The following GABRB1 variants were observed in gnomAD, a reference collection of about 807,000 sequenced individuals.
GABRB1 encodes the protein gamma-aminobutyric acid receptor subunit beta-1.
GABRB1 carries 17 observed loss-of-function variants against 51.6 expected under a neutral mutation model. The ratio of observed to expected loss-of-function variants is 0.33; its 90% CI spans 0.23 to 0.49. The LOEUF (loss-of-function observed/expected upper bound fraction) is 0.49, where lower values mean the gene tolerates loss of function less well. Ranked by LOEUF, GABRB1 falls within the 20% of genes least tolerant of loss-of-function variation. The pLI is 0.99. For synonymous variants in GABRB1, 247 were observed against 218.9 expected (o/e 1.13, Z -1.14); for missense variants, 410 against 600.6 (o/e 0.68, Z 3.32).
intron 7 of GABRB1, among the ~76,000 whole-genome samples, chr4:47,405,696 A>G (rs1163142602): frequency 1.3e-5 from 2 of 152,166 alleles, no homozygotes; most frequent in Non-Finnish European, 2.9e-5. Context: ...AAGATAATTT[A>G]TAACTGTAAG....
chr4:47,352,385 A>G (rs12152668), intron 5 of GABRB1, among the ~76,000 whole-genome samples: 8,709 of 152,266 alleles, frequency 0.057, 316 homozygotes, highest in Admixed American at 0.1. Context: ...CAATCAATAG[A>G]AAAAGAGAGA....
chr4:47,163,322 T>C (rs753926281), intron 4 of GABRB1, among the ~76,000 whole-genome samples: 1 of 152,048 alleles, frequency 6.6e-6, no homozygotes, highest in Non-Finnish European at 1.5e-5. Context: ...CCTTATTAGG[T>C]ACTGGGCAAA....
At chr4:47,146,014 G>A (rs759081348) in intron 3 of GABRB1, among the ~76,000 whole-genome samples, 1 of 152,012 alleles carries the variant, frequency 6.6e-6, no homozygotes, top group African/African-American at 2.4e-5. Flanking sequence ...CTTCAGGATA[G>A]GGAAATGGGC....
chr4:47,058,712 G>C (rs1049278151), intron 3 of GABRB1, among the ~76,000 whole-genome samples: 1 of 152,162 alleles, frequency 6.6e-6, no homozygotes, highest in Non-Finnish European at 1.5e-5. Flanking sequence ...ACATATTGCA[G>C]TTCCCAGTAA....
intron 5 of GABRB1, among the ~76,000 whole-genome samples, chr4:47,347,676 A>G (rs991370931): frequency 6.6e-5 from 10 of 152,208 alleles, no homozygotes; most frequent in Non-Finnish European, 1.2e-4. Context: ...TTGCAAATAT[A>G]TATATTTTTA....
chr4:47,036,269 T>C (rs1323730908), intron 3 of GABRB1, among the ~76,000 whole-genome samples: 3 of 152,234 alleles, frequency 2.0e-5, no homozygotes, highest in Non-Finnish European at 1.5e-5. Context: ...GTTATTTTAA[T>C]ATTAGACTCT....
intron 4 of GABRB1, among the ~76,000 whole-genome samples, chr4:47,213,160 T>C (rs577453445): frequency 6.6e-6 from 1 of 152,300 alleles, no homozygotes; most frequent in South Asian, 2.1e-4. Flanking sequence ...ATCTTACATT[T>C]TCCTGCATAG....
chr4:47,067,239 A>G (rs933044785), intron 3 of GABRB1, among the ~76,000 whole-genome samples: 2 of 152,230 alleles, frequency 1.3e-5, no homozygotes, highest in African/African-American at 4.8e-5. Context: ...TATAGAGCAC[A>G]GGAAGAGTAG....
chr4:47,399,913 C>T lies in GABRB1; in HGVS notation c.545-3405C>T, dbSNP rs139387554. ...ACACCCTTGGAGTTTAGGAATGATA[C>T]TGGCATGACCTGGTATATTCAGCTT... is the stretch of plus-strand genomic sequence containing the variant. On this transcript the variant is annotated intron_variant, in intron 5 of 8. Transcript: ENST00000295454. Among the ~76,000 whole-genome samples the T allele has an allele frequency of 4.9e-3, 751 of 152,282 alleles. 7 individuals are homozygous for T. The highest frequency in any genetic ancestry group is 0.017 in the African/African-American group (688 of 41,560).
At chr4:47,158,605 A>G (rs886322961) in intron 3 of GABRB1, among the ~76,000 whole-genome samples, 1 of 152,134 alleles carries the variant, frequency 6.6e-6, no homozygotes, top group Non-Finnish European at 1.5e-5. Flanking sequence ...CATGTATTCC[A>G]TTGTTGACAA....
intron 4 of GABRB1, among the ~76,000 whole-genome samples, chr4:47,297,299 A>C (rs1367409027): frequency 8.8e-6 from 1 of 113,190 alleles, no homozygotes; most frequent in Non-Finnish European, 1.8e-5. Context: ...AAAACCCTTC[A>C]AAAAATTAAT....
intron 3 of GABRB1, among the ~76,000 whole-genome samples, chr4:47,155,314 C>T (rs750343371): frequency 5.9e-5 from 9 of 151,946 alleles, no homozygotes; most frequent in South Asian, 2.1e-4. Context: ...GAATATTTTA[C>T]GGGGAACAGA....
intron 3 of GABRB1, among the ~76,000 whole-genome samples, chr4:47,081,510 T>C (rs1727841385): frequency 6.6e-6 from 1 of 152,196 alleles, no homozygotes; most frequent in African/African-American, 2.4e-5. Flanking sequence ...TTTTGTGCAA[T>C]ATATCCTTTC....
chr4:47,150,349 TAC>T (rs764596416), intron 3 of GABRB1, among the ~76,000 whole-genome samples: 25 of 112,724 alleles, frequency 2.2e-4, no homozygotes, highest in South Asian at 1.0e-3. Context: ...CACACGCACA[TAC>T]ACACACACAC....
chr4:47,399,037 A>G (rs377007587), intron 5 of GABRB1, among the ~76,000 whole-genome samples: 3 of 152,230 alleles, frequency 2.0e-5, no homozygotes, highest in African/African-American at 4.8e-5. Context: ...TGATCCGCCC[A>G]CCTTGGCCTC....
At chr4:47,299,327 C>T (rs867018285) in intron 4 of GABRB1, among the ~76,000 whole-genome samples, 241 of 152,124 alleles carry the variant, frequency 1.6e-3, no homozygotes, top group African/African-American at 5.0e-3. Context: ...AGAAAATTTT[C>T]GCAACCTACT....
chr4:47,141,475 T>C (rs1226472055), intron 3 of GABRB1, among the ~76,000 whole-genome samples: 1 of 152,004 alleles, frequency 6.6e-6, no homozygotes. Context: ...GTGGGATCAT[T>C]CACATTTTGT....
chr4:47,144,818 GA>G (rs35716577), intron 3 of GABRB1, among the ~76,000 whole-genome samples: 40,786 of 146,550 alleles, frequency 0.28, 6,353 homozygotes, highest in Middle Eastern at 0.43. Flanking sequence ...CATATACACA[GA>G]AAAAAAAAAA....
chr4:47,267,100 CAGTG>C (rs1722667716), intron 4 of GABRB1, among the ~76,000 whole-genome samples: 1 of 151,956 alleles, frequency 6.6e-6, no homozygotes, highest in Non-Finnish European at 1.5e-5. Flanking sequence ...AAACAGCAAA[CAGTG>C]AGTGTTAGCA....
Sources: allele counts gnomAD v4.1 joint callset (sites outside exome capture counted in the v4.1 genomes callset), GRCh38; gene constraint gnomAD v4.1.1; transcripts MANE v1.5; gene names NCBI Gene and HGNC (gene_info 2026-07-23, HGNC 2026-07-21).